The following ZDHHC14 variants were observed in gnomAD, a reference collection of about 807,000 sequenced individuals.
ZDHHC14 encodes the protein palmitoyltransferase ZDHHC14.
In ZDHHC14, 16 loss-of-function variants were observed where a neutral mutation model predicts 47.7. The ratio of observed to expected loss-of-function variants is 0.34; its 90% CI spans 0.23 to 0.51. The LOEUF is 0.51. Among genes scored for constraint, ZDHHC14 ranks in the 20% least tolerant of loss-of-function variants. ZDHHC14 has a pLI of 0.97. For synonymous variants in ZDHHC14, 293 were observed against 278.9 expected (o/e 1.05, Z -0.50); for missense variants, 515 against 662.5 (o/e 0.78, Z 2.44).
intron 2 of ZDHHC14, among the ~76,000 whole-genome samples, chr6:157,550,658 C>T (rs894057103): frequency 4.6e-5 from 7 of 152,196 alleles, no homozygotes; most frequent in Admixed American, 4.6e-4. Context: ...TTCTAGCGAC[C>T]ACAGTGTTTC....
chr6:157,579,617 G>C (rs1477015569), intron 2 of ZDHHC14, among the ~76,000 whole-genome samples: 1 of 152,158 alleles, frequency 6.6e-6, no homozygotes, highest in Non-Finnish European at 1.5e-5. Flanking sequence ...TGGTTTAGCT[G>C]TATGCCTAGG....
In ZDHHC14 at chr6:157,609,705, C is replaced by T. The variant is rs111863297; in HGVS notation, c.565+16559C>T. 3.7e-4 allele frequency among the ~76,000 whole-genome samples: 57 copies of T among 152,282 alleles called. No homozygotes were observed. In the Middle Eastern group the frequency reaches 0.014, roughly 36 times the overall value. The stretch of plus-strand genomic sequence containing the variant: ...CAGAATAGGGACCAGAGGAGGTGGC[C>T]GGGCACTGAGCTTGCAGATGGTGGC... On this transcript the variant is annotated intron_variant, in intron 3 of 8. Coordinates refer to ENST00000359775, the MANE Select transcript of ZDHHC14 (RefSeq NM_024630.3).
At chr6:157,655,550 G>A (rs1247442801) in intron 8 of ZDHHC14, among the ~76,000 whole-genome samples, 1 of 152,226 alleles carries the variant, frequency 6.6e-6, no homozygotes, top group Non-Finnish European at 1.5e-5. Context: ...AATTCTGGCC[G>A]CAGCATACGT....
chr6:157,656,277 C>T (rs550108465), intron 8 of ZDHHC14, among the ~76,000 whole-genome samples: 5 of 152,104 alleles, frequency 3.3e-5, no homozygotes, highest in African/African-American at 4.8e-5. Context: ...AGAAGCCTGT[C>T]GCAGTGCAGC....
intron 3 of ZDHHC14, among the ~76,000 whole-genome samples, chr6:157,610,629 T>C (rs1583016382): frequency 6.6e-6 from 1 of 152,182 alleles, no homozygotes. Flanking sequence ...AGAGGCAGCG[T>C]TGGCCCACAG....
intron 3 of ZDHHC14, among the ~76,000 whole-genome samples, chr6:157,610,979 G>C (rs746294287): frequency 6.6e-6 from 1 of 152,194 alleles, no homozygotes; most frequent in African/African-American, 2.4e-5. Context: ...GCTCGTGTAA[G>C]ACTGGGAGCC....
intron 1 of ZDHHC14, among the ~76,000 whole-genome samples, chr6:157,478,199 G>A (rs368604845): frequency 7.0e-6 from 1 of 142,014 alleles, no homozygotes; most frequent in Non-Finnish European, 1.6e-5. Flanking sequence ...TAAGTCTTCA[G>A]TACTCTCTAC....
intron 1 of ZDHHC14, among the ~76,000 whole-genome samples, chr6:157,527,899 G>T (rs149324386): frequency 6.6e-6 from 1 of 152,156 alleles, no homozygotes; most frequent in Admixed American, 6.5e-5. Context: ...GGGGCTTTCT[G>T]ATCCTTCTCT....
rs1439359949 is a variant in ZDHHC14 at position 157,382,087 on chromosome 6, C to T, written c.66C>T (p.Ser22=). 1 of 1,610,190 alleles carries T rather than the reference C, an allele frequency of 6.2e-7. No homozygotes were observed. Among genetic ancestry groups the T allele is most frequent in the Non-Finnish European group, 8.5e-7 (1 of 1,178,416 alleles). The change falls in exon 1 of 9, where the codon TCC becomes TCT. Residue 22 remains serine (S), a synonymous_variant. Transcript: ENST00000359775. ...ACAGCCAGATCAGCACCCACAGCTC[C>T]TCCCCCATGGAGTCGCCCCACAAGA... ...CEYSQISTHS[S]SPMESPHKKK... is the part of the protein sequence containing the mutation.
At chr6:157,614,705 T>C (rs1016280369) in intron 3 of ZDHHC14, among the ~76,000 whole-genome samples, 1 of 152,040 alleles carries the variant, frequency 6.6e-6, no homozygotes, top group African/African-American at 2.4e-5. Context: ...TGTGACCTGC[T>C]TCCTCACACG....
At chr6:157,474,544 G>T (rs1279707861) in intron 1 of ZDHHC14, among the ~76,000 whole-genome samples, 2 of 152,086 alleles carry the variant, frequency 1.3e-5, no homozygotes, top group African/African-American at 4.8e-5. Flanking sequence ...AGTGTGCAAG[G>T]ATTCCCATTT....
chr6:157,517,732 C>T (rs1054053702), intron 1 of ZDHHC14, among the ~76,000 whole-genome samples: 23 of 152,362 alleles, frequency 1.5e-4, no homozygotes, highest in African/African-American at 4.8e-4. Flanking sequence ...AAAGTGTTGG[C>T]GAGCAGTCCC....
chr6:157,597,775 G>C (rs1467776657), intron 3 of ZDHHC14, among the ~76,000 whole-genome samples: 1 of 152,236 alleles, frequency 6.6e-6, no homozygotes, highest in East Asian at 1.9e-4. Context: ...CAGCCCCTGG[G>C]GGGCACCGAG....
chr6:157,596,366 C>G (rs1223608932), intron 3 of ZDHHC14, among the ~76,000 whole-genome samples: 1 of 152,172 alleles, frequency 6.6e-6, no homozygotes, highest in East Asian at 1.9e-4. Context: ...TGTGGCTTCC[C>G]TTACCTTGTA....
chr6:157,468,393 T>G (rs1441321349), intron 1 of ZDHHC14, among the ~76,000 whole-genome samples: 1 of 152,216 alleles, frequency 6.6e-6, no homozygotes, highest in Non-Finnish European at 1.5e-5. Flanking sequence ...TTAAAGGGCT[T>G]CCAGTATAGA....
intron 1 of ZDHHC14, among the ~76,000 whole-genome samples, chr6:157,423,053 G>T (rs146579305): frequency 0.013 from 2,035 of 152,340 alleles, 20 homozygotes; most frequent in Non-Finnish European, 0.021. Context: ...ACTAGACTGA[G>T]ATCATATGCT....
At chr6:157,504,436 C>T (rs1780268656) in intron 1 of ZDHHC14, among the ~76,000 whole-genome samples, 2 of 147,928 alleles carry the variant, frequency 1.4e-5, no homozygotes, top group African/African-American at 5.1e-5. Context: ...GCGTGAGCCA[C>T]CGCACCCAGC....
chr6:157,653,572 C>T lies in ZDHHC14; in HGVS notation c.1013C>T (p.Ala338Val). The T allele has an allele frequency of 6.2e-7, 1 of 1,614,006 alleles. No homozygotes were observed. The highest frequency in any genetic ancestry group is 8.5e-7 in the Non-Finnish European group (1 of 1,179,980). The part of the protein sequence containing the change: ...GYIQPDTPQP[A>V]APSNGITMYG... ...ATCCAGCCCGACACGCCGCAGCCAG[C>T]AGCACCCTCCAATGGCATCACCATG... The change falls in exon 8 of 9, where the codon GCA (alanine) becomes GTA (valine). Residue 338 changes from alanine (A) to valine (V), a missense_variant. Physicochemically the swap from Ala to Val is moderately conservative, Grantham distance 64. This residue lies in a region of ZDHHC14 where 221 missense variants were observed against 233.6 expected (regional missense o/e 0.95). Transcript: ENST00000359775.
chr6:157,665,950 G>T (rs1294374214), intron 8 of ZDHHC14, among the ~76,000 whole-genome samples: 1 of 152,192 alleles, frequency 6.6e-6, no homozygotes, highest in Non-Finnish European at 1.5e-5. Context: ...CATACTGGAA[G>T]TATGTGCAGA....
Sources: gnomAD v4.1 joint callset for allele counts (sites outside exome capture counted in the v4.1 genomes callset) on GRCh38, gnomAD v4.1.1 for gene constraint, gnomAD v4.1.1 regional missense constraint, MANE v1.5 for transcripts, NCBI Gene and HGNC (gene_info 2026-07-23, HGNC 2026-07-21) for gene names.